Variants in FAM171A1 observed in about 807,000 individuals in gnomAD.
The protein encoded by FAM171A1 is family with sequence similarity 171 member A1, also known as protein FAM171A1.
FAM171A1 carries 23 observed loss-of-function variants against 74.9 expected under a neutral mutation model. The ratio of observed to expected loss-of-function variants is 0.31; its 90% CI spans 0.22 to 0.44. The LOEUF (loss-of-function observed/expected upper bound fraction) is 0.44, where lower values mean the gene tolerates loss of function less well. FAM171A1 is among the 20% of genes least tolerant of loss of function. The probability of loss-of-function intolerance (pLI) is 1.00; values close to 1 mark genes in which losing one functional copy is unlikely to be tolerated. For missense variants in FAM171A1, 1,162 were observed against 1,159.2 expected, an observed-to-expected ratio of 1.00 and a Z score of -0.03; for synonymous variants, 527 against 505.7, an observed-to-expected ratio of 1.04 and a Z score of -0.57.
chr10:15,312,673 G>GGTTTTTTTTTTTTT (rs1835374892), intron 1 of FAM171A1, among the ~76,000 whole-genome samples: 1 of 36,382 alleles, frequency 2.7e-5, no homozygotes, highest in African/African-American at 1.2e-4. Flanking sequence ...AGCACTGTGT[G>GGTTTTTTTTTTTTT]TTTTTTTTTT....
intron 2 of FAM171A1, among the ~76,000 whole-genome samples, chr10:15,279,185 A>C (rs61842665): frequency 5.9e-5 from 9 of 152,132 alleles, no homozygotes; most frequent in Non-Finnish European, 1.2e-4. Context: ...GTGTTTTGAA[A>C]ATGTTTCTCA....
At chr10:15,367,906 T>C (rs921322864) in intron 1 of FAM171A1, among the ~76,000 whole-genome samples, 1 of 152,224 alleles carries the variant, frequency 6.6e-6, no homozygotes, top group Non-Finnish European at 1.5e-5. Context: ...ATAAGAGTGC[T>C]GGGCTTCAAA....
At chr10:15,320,611 C>G (rs1835475951) in intron 1 of FAM171A1, among the ~76,000 whole-genome samples, 2 of 152,190 alleles carry the variant, frequency 1.3e-5, no homozygotes, top group Admixed American at 1.3e-4. Flanking sequence ...TCCTTTTTCT[C>G]CACAACCTCA....
intron 2 of FAM171A1, among the ~76,000 whole-genome samples, chr10:15,280,485 T>A (rs1588530873): frequency 1.3e-5 from 2 of 152,274 alleles, no homozygotes; most frequent in African/African-American, 2.4e-5. Context: ...CTTTAGTGGA[T>A]GGACTGCATC....
intron 3 of FAM171A1, among the ~76,000 whole-genome samples, chr10:15,255,568 A>G (rs2131769923): frequency 6.6e-6 from 1 of 152,294 alleles, no homozygotes; most frequent in Non-Finnish European, 1.5e-5. Flanking sequence ...GTAGGAGGAC[A>G]GGTTGGGCTG....
intron 5 of FAM171A1, among the ~76,000 whole-genome samples, chr10:15,235,470 A>C (rs560715610): frequency 6.6e-6 from 1 of 152,018 alleles, no homozygotes; most frequent in East Asian, 1.9e-4. Flanking sequence ...GCTTCTTTCG[A>C]GCTTGGCATG....
chr10:15,256,279 T>C (rs999019497), intron 3 of FAM171A1, among the ~76,000 whole-genome samples: 2 of 151,562 alleles, frequency 1.3e-5, no homozygotes, highest in East Asian at 3.9e-4. Context: ...AAAAAGGGAG[T>C]TTTAGAGCTC....
At chr10:15,243,186 G>A (rs766777300) in intron 5 of FAM171A1, among the ~76,000 whole-genome samples, 12 of 152,090 alleles carry the variant, frequency 7.9e-5, no homozygotes, top group Non-Finnish European at 1.8e-4. Flanking sequence ...TCCCCTTCTC[G>A]CATTTCCAAA....
At chr10:15,239,296 T>G (rs1834333837) in intron 5 of FAM171A1, among the ~76,000 whole-genome samples, 1 of 152,066 alleles carries the variant, frequency 6.6e-6, no homozygotes, top group Non-Finnish European at 1.5e-5. Context: ...CTTTATTTAT[T>G]TATTTATTTT....
intron 3 of FAM171A1, among the ~76,000 whole-genome samples, chr10:15,265,713 C>T (rs1179139615): frequency 6.7e-6 from 1 of 149,174 alleles, no homozygotes; most frequent in East Asian, 2.0e-4. Flanking sequence ...CATTGGGTGT[C>T]TACCATTGGC....
At position 15,214,074 on chromosome 10, in the gene FAM171A1, C is replaced by T. The variant is rs142443473; in HGVS notation, c.1514G>A (p.Gly505Asp). 8.4e-5 allele frequency: 136 copies of T among 1,614,016 alleles called. No individual in the cohort carries two copies. The highest frequency in any genetic ancestry group is 3.3e-4 in the Middle Eastern group (2 of 6,084). ...QPLFEKQDRE[G>D]PASTGSKLTI... ...GAGTTTGCTTCCCGTGGAGGCTGGA[C>T]CTTCTCTGTCCTGCTTTTCAAATAA... The change falls in exon 8 of 8, where the codon GGT becomes GAT. Residue 505 changes from glycine to aspartate, a missense_variant. Transcript: ENST00000378116.
At chr10:15,246,861 G>C (rs1834441530) in intron 5 of FAM171A1, among the ~76,000 whole-genome samples, 1 of 152,192 alleles carries the variant, frequency 6.6e-6, no homozygotes, top group African/African-American at 2.4e-5. Flanking sequence ...AGGGCACTAG[G>C]AAGCAAAGGG....
chr10:15,282,428 C>G (rs1001417009), intron 2 of FAM171A1, among the ~76,000 whole-genome samples: 8 of 152,172 alleles, frequency 5.3e-5, no homozygotes, highest in Admixed American at 1.3e-4. Context: ...ACAAAGACAA[C>G]ACAAAACAAA....
At chr10:15,234,928 C>T (rs562327083) in intron 5 of FAM171A1, among the ~76,000 whole-genome samples, 67 of 152,210 alleles carry the variant, frequency 4.4e-4, no homozygotes, top group African/African-American at 1.5e-3. Flanking sequence ...CCCCAGAGTG[C>T]TGGGATTACA....
intron 5 of FAM171A1, among the ~76,000 whole-genome samples, chr10:15,234,413 C>G (rs1834253184): frequency 6.6e-6 from 1 of 152,120 alleles, no homozygotes; most frequent in Admixed American, 6.6e-5. Context: ...ACAAAACGCA[C>G]AAGCAAAGCA....
chr10:15,266,729 C>G (rs1343159653), intron 3 of FAM171A1, among the ~76,000 whole-genome samples: 1 of 151,776 alleles, frequency 6.6e-6, no homozygotes, highest in Non-Finnish European at 1.5e-5. Context: ...ATCATTTGGG[C>G]ATTGTGGTAT....
intron 1 of FAM171A1, among the ~76,000 whole-genome samples, chr10:15,321,307 A>T (rs1382165276): frequency 6.6e-6 from 1 of 151,868 alleles, no homozygotes; most frequent in African/African-American, 2.4e-5. Context: ...CTGAAAGTGA[A>T]CCCCAATTTA....
intron 1 of FAM171A1, among the ~76,000 whole-genome samples, chr10:15,301,535 T>C (rs1414229846): frequency 6.6e-6 from 1 of 152,068 alleles, no homozygotes; most frequent in African/African-American, 2.4e-5. Context: ...TGAATAGCTA[T>C]GCAAGACAGA....
Position 15,213,649 on chromosome 10 carries a change from G to A in FAM171A1, c.1939C>T (p.His647Tyr). 3 of 1,614,060 alleles carry A rather than the reference G, an allele frequency of 1.9e-6. No individual in the cohort carries two copies. The highest frequency in any genetic ancestry group is 2.5e-6 in the Non-Finnish European group (3 of 1,179,984). ...TCCCGGGTGCCCGCATCCTGCAGGT[G>A]CTGCTGAGAGATGGCCTGGGAAGAC... ...PLSSQAISQQHLQDAGTREWS... is the reference protein window; with the variant it reads ...PLSSQAISQQYLQDAGTREWS... The change falls in exon 8 of 8, where the codon CAC becomes TAC. Residue 647 changes from histidine to tyrosine, a missense_variant. Coordinates refer to ENST00000378116, the MANE Select transcript of FAM171A1 (RefSeq NM_001010924.2). This position sits in a 1 kb window ranked among gnomAD's most constrained non-coding sequence, Gnocchi z 6.8.
Sources: allele counts gnomAD v4.1 joint callset (sites outside exome capture counted in the v4.1 genomes callset), GRCh38; gene constraint gnomAD v4.1.1; non-coding constraint Gnocchi (gnomAD v3.1); transcripts MANE v1.5; gene names NCBI Gene and HGNC (gene_info 2026-07-23, HGNC 2026-07-21).